Variants in TRPS1 observed in about 807,000 individuals in gnomAD.
The protein encoded by TRPS1 is zinc finger transcription factor Trps1.
In TRPS1, 6 loss-of-function variants were observed where a neutral mutation model predicts 101.2. That is an observed-to-expected ratio of 0.06 (90% CI 0.03 to 0.12). The LOEUF (loss-of-function observed/expected upper bound fraction) is 0.12. Ranked by LOEUF, TRPS1 falls within the 10% of genes least tolerant of loss-of-function variation. The pLI is 1.00. For synonymous variants in TRPS1, 578 were observed against 589.8 expected (o/e 0.98, Z 0.29); for missense variants, 1,363 against 1,567.0 (o/e 0.87, Z 2.20).
At chr8:115,531,694 T>C (rs1316664043) in intron 5 of TRPS1, among the ~76,000 whole-genome samples, 1 of 151,816 alleles carries the variant, frequency 6.6e-6, no homozygotes. Flanking sequence ...AAATATTACT[T>C]ACAAAGAGTA....
chr8:115,535,383 GCA>G (rs1816285213), intron 5 of TRPS1, among the ~76,000 whole-genome samples: 10 of 142,910 alleles, frequency 7.0e-5, no homozygotes, highest in Admixed American at 6.5e-4. Context: ...CATATATATA[GCA>G]CATATATAGC....
chr8:115,454,241 A>G (rs907790867), intron 5 of TRPS1, among the ~76,000 whole-genome samples: 2 of 152,192 alleles, frequency 1.3e-5, no homozygotes, highest in Admixed American at 6.5e-5. Context: ...TATTTTGAGT[A>G]TCACCCTGGA....
chr8:115,474,432 A>G (rs1814548468), intron 5 of TRPS1, among the ~76,000 whole-genome samples: 1 of 152,172 alleles, frequency 6.6e-6, no homozygotes, highest in South Asian at 2.1e-4. Context: ...AAAACTTTCT[A>G]GAGAAAAAAA....
intron 5 of TRPS1, among the ~76,000 whole-genome samples, chr8:115,451,424 A>G (rs1029247163): frequency 2.6e-5 from 4 of 152,250 alleles, no homozygotes; most frequent in East Asian, 3.9e-4. Context: ...AAGAAAAGTG[A>G]CTTATCTCAT....
chr8:115,521,226 A>G (rs1381118083), intron 5 of TRPS1, among the ~76,000 whole-genome samples: 1 of 151,808 alleles, frequency 6.6e-6, no homozygotes, highest in African/African-American at 2.4e-5. Flanking sequence ...AGTTATTCCT[A>G]GTTGGTGACG....
At chr8:115,655,892 C>T (rs1367413074) in intron 1 of TRPS1, among the ~76,000 whole-genome samples, 1 of 152,092 alleles carries the variant, frequency 6.6e-6, no homozygotes, top group Admixed American at 6.6e-5. Context: ...TTACACAACA[C>T]CGATGTGATT....
chr8:115,608,068 T>C (rs979578225), intron 3 of TRPS1, among the ~76,000 whole-genome samples: 5 of 152,180 alleles, frequency 3.3e-5, no homozygotes, highest in African/African-American at 1.2e-4. Context: ...CTGGAAACAG[T>C]GCCTACACGT....
intron 5 of TRPS1, among the ~76,000 whole-genome samples, chr8:115,553,217 T>C (rs1450646000): frequency 6.6e-6 from 1 of 152,074 alleles, no homozygotes; most frequent in Non-Finnish European, 1.5e-5. Context: ...GAGTAAGTAG[T>C]ATTTTTTGTT....
At chr8:115,477,737 T>C (rs779801599) in intron 5 of TRPS1, among the ~76,000 whole-genome samples, 2 of 152,144 alleles carry the variant, frequency 1.3e-5, no homozygotes, top group Non-Finnish European at 2.9e-5. Flanking sequence ...GTTGGCTACA[T>C]CACATAGGAA....
intron 5 of TRPS1, among the ~76,000 whole-genome samples, chr8:115,498,214 C>CA (rs942312756): frequency 1.3e-5 from 2 of 151,578 alleles, no homozygotes; most frequent in African/African-American, 4.8e-5. Context: ...CCCATCTCTA[C>CA]AAAAAACACA....
In TRPS1 at chr8:115,517,162, T is replaced by G. The variant is rs369007122; in HGVS notation, c.2700+69839A>C. Among the ~76,000 whole-genome samples the G allele has an allele frequency of 1.9e-4, 29 of 151,840 alleles. No homozygotes were observed. The East Asian group carries it at 4.3e-3, about 22-fold the overall frequency. On this transcript the variant is annotated intron_variant, in intron 5 of 6. Transcript: ENST00000395715. ...ACAAATTGTTTTAAAATATAAAATCTCTATCTTTCCATAATCTTCAAAGTG... is the reference window on the plus strand; with the variant it reads ...ACAAATTGTTTTAAAATATAAAATCGCTATCTTTCCATAATCTTCAAAGTG...
At chr8:115,656,142 C>T (rs1811671966) in intron 1 of TRPS1, among the ~76,000 whole-genome samples, 1 of 151,972 alleles carries the variant, frequency 6.6e-6, no homozygotes, top group Admixed American at 6.6e-5. Flanking sequence ...TTATTTAGGG[C>T]CTAATGCATT....
At chr8:115,447,002 T>C (rs1471232886) in intron 5 of TRPS1, among the ~76,000 whole-genome samples, 2 of 152,162 alleles carry the variant, frequency 1.3e-5, no homozygotes, top group Non-Finnish European at 2.9e-5. Context: ...AGTACTTGTT[T>C]ACAAATATGT....
intron 5 of TRPS1, among the ~76,000 whole-genome samples, chr8:115,508,515 T>A (rs117569733): frequency 6.6e-6 from 1 of 152,202 alleles, no homozygotes; most frequent in Non-Finnish European, 1.5e-5. Context: ...ACACATGAGT[T>A]ACCTAACATG....
At chr8:115,421,332 G>A (rs1410213754) in intron 5 of TRPS1, among the ~76,000 whole-genome samples, 1 of 151,224 alleles carries the variant, frequency 6.6e-6, no homozygotes, top group East Asian at 1.9e-4. Flanking sequence ...ACGGTGCCAG[G>A]GATGTAGTAA....
intron 1 of TRPS1, among the ~76,000 whole-genome samples, chr8:115,658,181 AG>A (rs1410042597): frequency 6.6e-6 from 1 of 152,160 alleles, no homozygotes; most frequent in Non-Finnish European, 1.5e-5. Flanking sequence ...ACCCAGTCAG[AG>A]GATTTTCAAA....
At chr8:115,645,204 G>A (rs1055311289) in intron 1 of TRPS1, among the ~76,000 whole-genome samples, 5 of 152,044 alleles carry the variant, frequency 3.3e-5, no homozygotes, top group South Asian at 2.1e-4. Context: ...GCAATAAAAC[G>A]AGGTAATTAC....
At chr8:115,545,477 C>A (rs969874926) in intron 5 of TRPS1, among the ~76,000 whole-genome samples, 1 of 152,100 alleles carries the variant, frequency 6.6e-6, no homozygotes, top group African/African-American at 2.4e-5. Flanking sequence ...TGCCTAAGAG[C>A]CTTGGACATT....
At chr8:115,624,671 T>C (rs1818466454) in intron 1 of TRPS1, among the ~76,000 whole-genome samples, 1 of 151,980 alleles carries the variant, frequency 6.6e-6, no homozygotes. Context: ...TCTTAGAAAA[T>C]GTGTTTACTT....
Sources: allele counts gnomAD v4.1 joint callset (sites outside exome capture counted in the v4.1 genomes callset), GRCh38; gene constraint gnomAD v4.1.1; transcripts MANE v1.5; gene names NCBI Gene and HGNC (gene_info 2026-07-23, HGNC 2026-07-21).